The following PPFIA1 variants were observed in gnomAD, a reference collection of about 807,000 sequenced individuals.
The protein encoded by PPFIA1 is PPFI scaffold protein A1, also known as liprin-alpha-1.
Under a neutral mutation model 149.9 loss-of-function variants are expected in PPFIA1, and 25 were observed. The ratio of observed to expected loss-of-function variants is 0.17; its 90% CI spans 0.12 to 0.23. The LOEUF (loss-of-function observed/expected upper bound fraction) is 0.23, where lower values mean the gene tolerates loss of function less well. Among genes scored for constraint, PPFIA1 ranks in the 10% least tolerant of loss-of-function variants. The pLI is 1.00. For missense variants in PPFIA1, 1,362 were observed against 1,506.5 expected (o/e 0.90, Z 1.59); for synonymous variants, 549 against 552.8 (o/e 0.99, Z 0.10).
At chr11:70,279,572 T>C (rs1197851959) in intron 2 of PPFIA1, among the ~76,000 whole-genome samples, 1 of 143,060 alleles carries the variant, frequency 7.0e-6, no homozygotes, top group African/African-American at 2.7e-5. Context: ...TTGTGTACAT[T>C]AGGCATTTTT....
chr11:70,378,326 A>G, intron 26 of PPFIA1, 131 bp downstream of exon 26: 2 of 1,350,516 alleles, frequency 1.5e-6, no homozygotes, highest in Non-Finnish European at 1.9e-6. Context: ...GCATGTCCAA[A>G]TATAAATGTT....
At chr11:70,326,972 G>A (rs1319433868) in intron 7 of PPFIA1, 154 bp downstream of exon 7, 5 of 680,870 alleles carry the variant, frequency 7.3e-6, no homozygotes, top group Non-Finnish European at 1.2e-5. Context: ...AGAGAGTGCT[G>A]TGAAACTGCC....
intron 24 of PPFIA1, chr11:70,375,423 G>C (rs2057453695): frequency 5.6e-6 from 1 of 180,068 alleles, no homozygotes; most frequent in Non-Finnish European, 1.1e-5. Flanking sequence ...GTTTTTATGG[G>C]TAATTGCCTT....
Position 70,304,782 on chromosome 11 carries a change from T to C in PPFIA1, c.265-19620T>C, listed in dbSNP as rs577892496. 2.6e-5 allele frequency among the ~76,000 whole-genome samples: 4 copies of C among 152,306 alleles called. No individual in the cohort carries two copies. In the South Asian group the frequency reaches 8.3e-4, roughly 32 times the overall value. ...GAATTAGAGGCACACAGCGGCAGAA[T>C]TGCTTTACACCCCCGACATCTGGTG... On this transcript the variant is annotated intron_variant, in intron 2 of 27. Coordinates refer to ENST00000253925, the MANE Select transcript of PPFIA1 (RefSeq NM_003626.5).
In PPFIA1 at chr11:70,354,383, T is replaced by C; in HGVS notation, c.2246T>C (p.Leu749Pro). ...ETSPPSSPRA[L>P]RLDRLHKGAL... is the part of the protein sequence containing the mutation. ...TCCCCGCCTTCCTCCCCGAGAGCCC[T>C]TCGGTTAGACCGGCTGCACAAAGGG... is the stretch of plus-strand genomic sequence containing the variant. Residue 749 changes from leucine to proline, a missense_variant, in exon 17 of 28, where the codon CTT (leucine) becomes CCT (proline). Transcript: ENST00000253925. 6.2e-7 allele frequency: 1 copy of C among 1,614,046 alleles called. No homozygotes were observed. The highest frequency in any genetic ancestry group is 8.5e-7 in the Non-Finnish European group (1 of 1,180,018).
intron 4 of PPFIA1, chr11:70,325,234 G>A (rs904871505): frequency 2.7e-5 from 12 of 444,518 alleles, no homozygotes; most frequent in Non-Finnish European, 4.1e-5. Context: ...GTATTAGGTT[G>A]TTGCAAAAGT....
At chr11:70,354,226 T>A in intron 16 of PPFIA1, 75 bp from the exon 17 acceptor site, 4 of 1,448,848 alleles carry the variant, frequency 2.8e-6, no homozygotes, top group Non-Finnish European at 3.8e-6. Flanking sequence ...TTCAAAGAAG[T>A]TTATGGCTAT....
intron 2 of PPFIA1, chr11:70,278,929 G>C: frequency 1.6e-6 from 1 of 611,526 alleles, no homozygotes; most frequent in South Asian, 1.5e-5. Context: ...GTCTGCTGTT[G>C]TCCTTTCTTC....
rs188068508 is a variant in PPFIA1 at position 70,353,312 on chromosome 11, C to T, written c.2164-989C>T. Among the ~76,000 whole-genome samples, 527 of 152,280 alleles carry T rather than the reference C, an allele frequency of 3.5e-3. 10 individuals are homozygous for T. The highest frequency in any genetic ancestry group is 1.8e-3 in the Non-Finnish European group (123 of 68,034). The stretch of plus-strand genomic sequence containing the variant: ...TGAGCACAGGAGTTTGAGGCTGCAC[C>T]GCACCATGATCACACCTGCAAATAG... On this transcript the variant is annotated intron_variant, in intron 16 of 27. Coordinates refer to ENST00000253925, the MANE Select transcript of PPFIA1 (RefSeq NM_003626.5).
At chr11:70,278,015 A>G (rs894293131) in intron 2 of PPFIA1, among the ~76,000 whole-genome samples, 1 of 151,812 alleles carries the variant, frequency 6.6e-6, no homozygotes, top group African/African-American at 2.4e-5. Flanking sequence ...GGTTCAAGCA[A>G]TTCTCCTGCC....
intron 26 of PPFIA1, among the ~76,000 whole-genome samples, chr11:70,380,868 CT>C (rs1417062840): frequency 5.9e-5 from 9 of 152,200 alleles, no homozygotes; most frequent in African/African-American, 2.2e-4. Flanking sequence ...GGGTCTCACT[CT>C]GTTGCCCAGG....
chr11:70,334,296 A>T (rs532845839), intron 10 of PPFIA1: 18 of 152,330 alleles, frequency 1.2e-4, no homozygotes, highest in Non-Finnish European at 2.1e-4. Context: ...GAACTCTTGC[A>T]CCGTCACATC....
chr11:70,349,279 G>T (rs974017728), intron 16 of PPFIA1, among the ~76,000 whole-genome samples: 1 of 152,072 alleles, frequency 6.6e-6, no homozygotes, highest in African/African-American at 2.4e-5. Context: ...ACCTGGAAAT[G>T]CAATGACCTT....
chr11:70,348,125 CT>C, intron 15 of PPFIA1, 63 bp from the exon 16 acceptor site: 1 of 1,440,184 alleles, frequency 6.9e-7, no homozygotes, highest in East Asian at 2.3e-5. Flanking sequence ...CATGGTTTTT[CT>C]CATGCAAACA....
intron 14 of PPFIA1, among the ~76,000 whole-genome samples, chr11:70,339,874 G>A (rs1262328357): frequency 6.6e-6 from 1 of 152,016 alleles, no homozygotes; most frequent in African/African-American, 2.4e-5. Flanking sequence ...AAATTAGCTC[G>A]GCACAGTGGC....
intron 2 of PPFIA1, chr11:70,279,156 C>A: frequency 1.8e-6 from 1 of 541,368 alleles, no homozygotes; most frequent in South Asian, 2.0e-5. Flanking sequence ...GGCAGTCGCG[C>A]CCACACGTCC....
At chr11:70,344,760 A>G (rs1230856197) in intron 15 of PPFIA1, among the ~76,000 whole-genome samples, 1 of 151,620 alleles carries the variant, frequency 6.6e-6, no homozygotes, top group African/African-American at 2.4e-5. Flanking sequence ...TAAAACAGGA[A>G]GAATGCCTGC....
At chr11:70,354,959 T>C (rs6592546) in intron 17 of PPFIA1, among the ~76,000 whole-genome samples, 66,774 of 151,750 alleles carry the variant, frequency 0.44, 16,300 homozygotes, top group African/African-American at 0.65. Context: ...CTTTTTGAGA[T>C]AGAGTCTTGC....
chr11:70,339,114 A>G (rs1183386037), intron 13 of PPFIA1, 57 bp from the exon 14 acceptor site: 5 of 1,601,764 alleles, frequency 3.1e-6, no homozygotes, highest in Non-Finnish European at 4.3e-6. Flanking sequence ...CCTTAACTAA[A>G]AGAGAGTTTA....
Sources: gnomAD v4.1 joint callset for allele counts (sites outside exome capture counted in the v4.1 genomes callset) on GRCh38, gnomAD v4.1.1 for gene constraint, MANE v1.5 for transcripts, NCBI Gene and HGNC (gene_info 2026-07-23, HGNC 2026-07-21) for gene names.